FH: variants seen among roughly 807,000 people sequenced by gnomAD.
FH encodes fumarate hydratase, mitochondrial.
Under a neutral mutation model 49.4 loss-of-function variants are expected in FH, and 22 were observed. The ratio of observed to expected loss-of-function variants is 0.45; its 90% confidence interval spans 0.32 to 0.64. The LOEUF (loss-of-function observed/expected upper bound fraction) is 0.64. FH is among the 30% of genes least tolerant of loss of function. The probability of loss-of-function intolerance (pLI) is 0.05; values close to 1 mark genes in which losing one functional copy is unlikely to be tolerated. For missense variants in FH, 526 were observed against 641.5 expected, an observed-to-expected ratio of 0.82 and a Z score of 1.95; for synonymous variants, 208 against 223.0, an observed-to-expected ratio of 0.93 and a Z score of 0.60.
intron 2 of FH, 87 bp downstream of exon 2, chr1:241,517,095 C>G: frequency 6.6e-7 from 1 of 1,519,702 alleles, no homozygotes; most frequent in Admixed American, 1.7e-5. Context: ...TACATTTTAA[C>G]TCTGAAAAAT....
intron 4 of FH, among the ~76,000 whole-genome samples, chr1:241,510,924 T>C (rs1469769520): frequency 2.0e-5 from 3 of 152,208 alleles, no homozygotes; most frequent in Non-Finnish European, 2.9e-5. Flanking sequence ...AAAAGTCATG[T>C]TGCTATCATG....
chr1:241,517,349 G>T, intron 1 of FH, 33 bp from the exon 2 acceptor site: 1 of 1,612,710 alleles, frequency 6.2e-7, no homozygotes, highest in Non-Finnish European at 8.5e-7. Flanking sequence ...ATTACAAGTT[G>T]AAAAGAAACC....
intron 1 of FH, 80 bp downstream of exon 1, chr1:241,519,511 A>T: frequency 6.7e-7 from 1 of 1,481,612 alleles, no homozygotes; most frequent in Non-Finnish European, 9.0e-7. Flanking sequence ...CTCTCCCGCC[A>T]AGTCGCGGGC....
chr1:241,510,561 T>C (rs1373975934), intron 4 of FH, among the ~76,000 whole-genome samples: 1 of 152,044 alleles, frequency 6.6e-6, no homozygotes, highest in Non-Finnish European at 1.5e-5. Flanking sequence ...CTAACAAGTG[T>C]AGAATGAATA....
chr1:241,513,517 C>A (rs1239903057), intron 3 of FH, 86 bp downstream of exon 3: 7 of 984,006 alleles, frequency 7.1e-6, no homozygotes, highest in South Asian at 1.3e-5. Context: ...ATTCACAGTT[C>A]CCCTTTCCTT....
At chr1:241,515,960 GAATA>G (rs1405347462) in intron 2 of FH, among the ~76,000 whole-genome samples, 1 of 152,098 alleles carries the variant, frequency 6.6e-6, no homozygotes, top group Non-Finnish European at 1.5e-5. Flanking sequence ...ATATGGAATT[GAATA>G]AATACTTATA....
At chr1:241,515,866 G>C (rs1660198479) in intron 2 of FH, among the ~76,000 whole-genome samples, 1 of 152,062 alleles carries the variant, frequency 6.6e-6, no homozygotes, top group Non-Finnish European at 1.5e-5. Context: ...CTTTCTTAGT[G>C]GTGCCTATTG....
intron 1 of FH, 120 bp from the exon 2 acceptor site, chr1:241,517,436 T>G: frequency 1.9e-6 from 2 of 1,065,130 alleles, no homozygotes; most frequent in Non-Finnish European, 2.7e-6. Flanking sequence ...GACAAAAAAA[T>G]ACTATTTGGA....
chr1:241,498,691 T>A (rs1558395707), intron 9 of FH, among the ~76,000 whole-genome samples: 1 of 62,782 alleles, frequency 1.6e-5, no homozygotes, highest in Non-Finnish European at 3.0e-5. Context: ...CAAGCTGTCT[T>A]AACATATATA....
intron 9 of FH, 23 bp from the exon 10 acceptor site, chr1:241,497,993 A>G (rs1316419122): frequency 6.2e-7 from 1 of 1,613,492 alleles, no homozygotes; most frequent in Non-Finnish European, 8.5e-7. Context: ...TAAAAAGACG[A>G]CATATGGGTT....
Position 241,504,985 on chromosome 1 carries a change from T to C in FH, c.905-740A>G, listed in dbSNP as rs145567712. 7.2e-4 allele frequency among the ~76,000 whole-genome samples: 109 copies of C among 151,920 alleles called. No homozygotes were observed. In the East Asian group the frequency reaches 0.014, roughly 19 times the overall value. ...GGGCAGTGGTACGATCTTGGCTCATTGCAACCTCCTCCTCCAGGGTTCCAG... is the reference window on the plus strand; with the variant it reads ...GGGCAGTGGTACGATCTTGGCTCATCGCAACCTCCTCCTCCAGGGTTCCAG... On this transcript the variant is annotated intron_variant, in intron 6 of 9. Transcript: ENST00000366560.
intron 5 of FH, 40 bp downstream of exon 5, chr1:241,508,563 C>T (rs1397232909): frequency 6.4e-7 from 1 of 1,567,508 alleles, no homozygotes; most frequent in Admixed American, 1.7e-5. Context: ...GCCATTTGTA[C>T]CAAGCTCTAA....
intron 2 of FH, among the ~76,000 whole-genome samples, chr1:241,515,406 C>G: frequency 6.6e-6 from 1 of 152,228 alleles, no homozygotes. Flanking sequence ...GGCTGACCTC[C>G]TCCTTAGTCT....
chr1:241,511,208 C>A (rs1352749324), intron 4 of FH, among the ~76,000 whole-genome samples: 3 of 152,096 alleles, frequency 2.0e-5, no homozygotes, highest in Non-Finnish European at 4.4e-5. Context: ...ACGAAGAGAC[C>A]CCAGAGAGCT....
Position 241,519,728 on chromosome 1 carries a change from T to G in FH, c.-6A>C. On this transcript the variant is annotated 5_prime_UTR_variant, in exon 1 of 10. Transcript: ENST00000366560. ...AGCCGAAGTGCTCGGTACATGGTGC[T>G]GAGGGAGCTTGGGTAGAATTTCTGG... 16 of 1,532,494 alleles carry G rather than the reference T, an allele frequency of 1.0e-5. No homozygotes were observed. Among genetic ancestry groups the G allele is most frequent in the Non-Finnish European group, 1.4e-5 (16 of 1,135,936 alleles). The allele number at this position is 1,532,494 out of a possible 1,614,324, so 94.9% of individuals were successfully genotyped here. A position where few individuals can be genotyped will look rare whatever the true frequency, so the allele number is the denominator to read the frequency against.
chr1:241,500,293 C>A (rs951429881), intron 9 of FH, 144 bp downstream of exon 9: 16 of 791,406 alleles, frequency 2.0e-5, no homozygotes, highest in Non-Finnish European at 2.9e-5. Context: ...CCTTTCCACA[C>A]AATTTCAAAT....
chr1:241,515,278 C>G (rs143686130), intron 2 of FH, among the ~76,000 whole-genome samples: 124 of 152,252 alleles, frequency 8.1e-4, no homozygotes, highest in African/African-American at 2.9e-3. Context: ...ATCCCAATGG[C>G]TGTGCTGTCT....
rs1064795294 is a variant in FH, at chr1:241,508,673, T to G, written c.668A>C (p.Lys223Thr). 1 of 1,613,448 alleles carries G rather than the reference T, an allele frequency of 6.2e-7. No homozygotes were observed. The highest frequency in any genetic ancestry group is 1.1e-5 in the South Asian group (1 of 91,070). ...KLHDALDAKS[K>T]EFAQIIKIGR... ...AATCTTGATGATCTGTGCAAACTCT[T>G]TGGATTTTGCATCAAGAGCATCATG... Residue 223 changes from lysine (K) to threonine (T), a missense_variant, in exon 5 of 10, where the codon AAA (lysine) becomes ACA (threonine). Lys to Thr is a moderately conservative substitution (Grantham distance 78, BLOSUM62 -1). This residue lies in a region of FH where 383 missense variants were observed against 514.0 expected (regional missense o/e 0.75). Transcript: ENST00000366560.
intron 4 of FH, 74 bp from the exon 5 acceptor site, chr1:241,508,859 TCTC>T: frequency 7.5e-7 from 1 of 1,342,076 alleles, no homozygotes; most frequent in Non-Finnish European, 1.0e-6. Context: ...GAATTAAACT[TCTC>T]AATTAAAAAA....
Sources: allele counts gnomAD v4.1 joint callset (sites outside exome capture counted in the v4.1 genomes callset), GRCh38; gene constraint gnomAD v4.1.1; regional missense constraint gnomAD v4.1.1; transcripts MANE v1.5; gene names NCBI Gene and HGNC (gene_info 2026-07-23, HGNC 2026-07-21).